EPHA6: variants seen among roughly 807,000 people sequenced by gnomAD.
EPHA6 encodes the protein ephrin type-A receptor 6.
Under a neutral mutation model 112.0 loss-of-function variants are expected in EPHA6, and 50 were observed. The observed-to-expected ratio is 0.45, with a 90% CI of 0.36 to 0.56. The LOEUF (loss-of-function observed/expected upper bound fraction) is 0.56, where lower values mean the gene tolerates loss of function less well. Among genes scored for constraint, EPHA6 ranks in the 20% least tolerant of loss-of-function variants. The probability of loss-of-function intolerance (pLI) is 0.00; values close to 1 mark genes in which losing one functional copy is unlikely to be tolerated. For missense variants in EPHA6, 1,280 were observed against 1,417.4 expected, an observed-to-expected ratio of 0.90 and a Z score of 1.56; for synonymous variants, 529 against 490.7, an observed-to-expected ratio of 1.08 and a Z score of -1.03.
chr3:96,990,091 A>T (rs1489580623), intron 3 of EPHA6, among the ~76,000 whole-genome samples: 1 of 152,202 alleles, frequency 6.6e-6, no homozygotes, highest in Non-Finnish European at 1.5e-5. Flanking sequence ...TGGTAAAAAA[A>T]ATACAGTTTT....
chr3:97,376,538 G>C (rs2109002468), intron 5 of EPHA6, among the ~76,000 whole-genome samples: 1 of 152,322 alleles, frequency 6.6e-6, no homozygotes, highest in South Asian at 2.1e-4. Context: ...GGCAGAAAGA[G>C]ATGGATTGAG....
intron 5 of EPHA6, among the ~76,000 whole-genome samples, chr3:97,283,514 A>T (rs963023838): frequency 2.6e-5 from 4 of 152,150 alleles, no homozygotes; most frequent in East Asian, 1.9e-4. Context: ...AATGTTGATT[A>T]TAATATTAAA....
intron 3 of EPHA6, among the ~76,000 whole-genome samples, chr3:97,044,994 T>C (rs2045452833): frequency 6.6e-6 from 1 of 152,078 alleles, no homozygotes; most frequent in Admixed American, 6.6e-5. Flanking sequence ...AAGAAAACTT[T>C]ATTGTGAAGT....
At chr3:97,272,232 G>T (rs1246027205) in intron 5 of EPHA6, among the ~76,000 whole-genome samples, 2 of 151,840 alleles carry the variant, frequency 1.3e-5, no homozygotes, top group Non-Finnish European at 2.9e-5. Flanking sequence ...TGTCCTCCAG[G>T]TTCAGCCATG....
At chr3:96,824,129 A>G (rs962584659) in intron 1 of EPHA6, among the ~76,000 whole-genome samples, 1 of 151,308 alleles carries the variant, frequency 6.6e-6, no homozygotes, top group African/African-American at 2.4e-5. Context: ...TACACATATA[A>G]GAACCTGTAT....
chr3:97,445,222 G>A (rs192484005), intron 6 of EPHA6, among the ~76,000 whole-genome samples: 2 of 152,042 alleles, frequency 1.3e-5, no homozygotes. Flanking sequence ...GCTCATCCGA[G>A]GAGAGGTCAT....
chr3:97,040,303 G>A (rs1435534358), intron 3 of EPHA6, among the ~76,000 whole-genome samples: 1 of 151,810 alleles, frequency 6.6e-6, no homozygotes, highest in Non-Finnish European at 1.5e-5. Context: ...AATATATTCA[G>A]CATAAAAGAG....
intron 3 of EPHA6, among the ~76,000 whole-genome samples, chr3:97,041,211 C>T (rs752878982): frequency 7.2e-5 from 11 of 152,118 alleles, no homozygotes; most frequent in Non-Finnish European, 1.3e-4. Context: ...ATTCTCACAG[C>T]ATTACAGATA....
chr3:96,823,087 T>G (rs1251527242), intron 1 of EPHA6, among the ~76,000 whole-genome samples: 1 of 151,716 alleles, frequency 6.6e-6, no homozygotes, highest in Non-Finnish European at 1.5e-5. Context: ...GTGGAATTAG[T>G]CTTGGTAGCA....
intron 11 of EPHA6, among the ~76,000 whole-genome samples, chr3:97,538,981 CT>C (rs2092801045): frequency 1.5e-5 from 2 of 130,156 alleles, no homozygotes; most frequent in African/African-American, 6.0e-5. Context: ...CACTTTCTCT[CT>C]CTTTCTTTCT....
intron 15 of EPHA6, among the ~76,000 whole-genome samples, chr3:97,725,138 C>G (rs934514456): frequency 3.3e-5 from 5 of 152,104 alleles, no homozygotes; most frequent in African/African-American, 1.2e-4. Context: ...TAGTGCTTCA[C>G]TAGGTGCATT....
chr3:96,947,769 A>C (rs1477299779), intron 2 of EPHA6, among the ~76,000 whole-genome samples: 2 of 152,218 alleles, frequency 1.3e-5, no homozygotes, highest in Non-Finnish European at 2.9e-5. Context: ...AAATGGAAGA[A>C]CATTCCATGC....
At position 97,761,179 on chromosome 3, in the gene EPHA6, T is replaced by A. The variant is rs2036157371; in HGVS notation, c.*12478T>A. 5.0e-6 allele frequency: 1 copy of A among 199,904 alleles called. No individual in the cohort carries two copies. Among genetic ancestry groups the A allele is most frequent in the African/African-American group, 2.3e-5 (1 of 43,618 alleles). 12.4% of individuals were successfully genotyped at this position (199,904 alleles called of 1,614,324 possible). A position where few individuals can be genotyped will look rare whatever the true frequency, so the allele number is the denominator to read the frequency against. On this transcript the variant is annotated 3_prime_UTR_variant, in exon 18 of 18. Coordinates refer to ENST00000389672, the MANE Select transcript of EPHA6 (RefSeq NM_001080448.3). Reference sequence around the variant, plus strand: ...GTAGTCCAGACTTATTTGAAGGTGGTACTATTTTTATCTTACAAAAATCTA... The same window carrying A: ...GTAGTCCAGACTTATTTGAAGGTGGAACTATTTTTATCTTACAAAAATCTA...
chr3:96,924,552 A>G (rs564392680), intron 2 of EPHA6, among the ~76,000 whole-genome samples: 9 of 152,250 alleles, frequency 5.9e-5, no homozygotes, highest in South Asian at 2.1e-4. Context: ...TGGCTGACCA[A>G]TGGGATTTTC....
At position 97,705,916 on chromosome 3, in the gene EPHA6, G is replaced by A. The variant is rs181385827; in HGVS notation, c.2785-14345G>A. Among the ~76,000 whole-genome samples the A allele has an allele frequency of 8.5e-4, 129 of 152,150 alleles. 2 individuals are homozygous for A. The highest frequency in any genetic ancestry group is 6.8e-3 in the Middle Eastern group (2 of 294). ...TCCAGATTCTGTCATGTTATGCCAC[G>A]CAGTGCTCCAGTGATGTCCTCCAAG... is the stretch of plus-strand genomic sequence containing the variant. On this transcript the variant is annotated intron_variant, in intron 14 of 17. Transcript: ENST00000389672.
chr3:97,324,369 C>G (rs1407797112), intron 5 of EPHA6, among the ~76,000 whole-genome samples: 1 of 150,806 alleles, frequency 6.6e-6, no homozygotes, highest in Non-Finnish European at 1.5e-5. Context: ...CATTTTTTCC[C>G]TGCTACCAGA....
At chr3:96,817,344 A>G (rs2032879034) in intron 1 of EPHA6, among the ~76,000 whole-genome samples, 1 of 151,966 alleles carries the variant, frequency 6.6e-6, no homozygotes, top group Admixed American at 6.6e-5. Flanking sequence ...ATTCTTAATA[A>G]CATTTTAGGG....
chr3:97,044,829 A>T (rs2045446746), intron 3 of EPHA6, among the ~76,000 whole-genome samples: 1 of 152,122 alleles, frequency 6.6e-6, no homozygotes, highest in African/African-American at 2.4e-5. Context: ...GGAATGAAAA[A>T]AGTGGAGGTA....
intron 3 of EPHA6, among the ~76,000 whole-genome samples, chr3:96,994,732 T>TATATAG (rs1170197805): frequency 4.5e-4 from 37 of 82,204 alleles, no homozygotes; most frequent in East Asian, 1.9e-3. Context: ...TATATATATA[T>TATATAG]AGAGAGAGAG....
Sources: gnomAD v4.1 joint callset for allele counts (sites outside exome capture counted in the v4.1 genomes callset) on GRCh38, gnomAD v4.1.1 for gene constraint, MANE v1.5 for transcripts, NCBI Gene and HGNC (gene_info 2026-07-23, HGNC 2026-07-21) for gene names.